Variants in ATRNL1 observed in about 807,000 individuals in gnomAD.
ATRNL1 encodes attractin like 1.
A neutral mutation model predicts 182.7 loss-of-function variants in ATRNL1; 95 were observed. That is an observed-to-expected ratio of 0.52 (90% CI 0.44 to 0.62). The LOEUF (loss-of-function observed/expected upper bound fraction) is 0.62. Among genes scored for constraint, ATRNL1 ranks in the 20% least tolerant of loss-of-function variants. The probability of loss-of-function intolerance (pLI) is 0.00; values close to 1 mark genes in which losing one functional copy is unlikely to be tolerated. For missense variants in ATRNL1, 1,471 were observed against 1,679.5 expected (o/e 0.88, Z 2.17); for synonymous variants, 576 against 568.3 (o/e 1.01, Z -0.19).
At chr10:115,262,107 T>C (rs1445545470) in intron 10 of ATRNL1, among the ~76,000 whole-genome samples, 1 of 151,400 alleles carries the variant, frequency 6.6e-6, no homozygotes, top group Admixed American at 6.6e-5. Flanking sequence ...TATAGCTGTT[T>C]ATTTAGAATT....
At chr10:115,387,554 T>G (rs1295967125) in intron 19 of ATRNL1, among the ~76,000 whole-genome samples, 2 of 152,204 alleles carry the variant, frequency 1.3e-5, no homozygotes, top group African/African-American at 4.8e-5. Flanking sequence ...CCTGTATCAA[T>G]TTCCAGCCAT....
chr10:115,479,656 G>GA lies in ATRNL1; in HGVS notation c.3654+10333dup, dbSNP rs561353926. Among the ~76,000 whole-genome samples, 75 of 151,376 alleles carry GA rather than the reference G, an allele frequency of 5.0e-4. No homozygotes were observed. In the South Asian group the frequency reaches 9.7e-3, roughly 20 times the overall value. ...TCCAATAATATAGTAATTAAACAGG[G>GA]AAAAAATCTTTTTGTTTTGAAATGC... On this transcript the variant is annotated intron_variant, in intron 24 of 28. Transcript: ENST00000355044.
intron 26 of ATRNL1, among the ~76,000 whole-genome samples, chr10:115,651,270 A>G (rs1859983432): frequency 6.6e-6 from 1 of 152,196 alleles, no homozygotes; most frequent in Non-Finnish European, 1.5e-5. Context: ...TACTATGCTC[A>G]CTACCTGGGT....
chr10:115,503,860 C>A (rs7905179), intron 24 of ATRNL1, among the ~76,000 whole-genome samples: 4,125 of 151,608 alleles, frequency 0.027, 217 homozygotes, highest in African/African-American at 0.096. Context: ...AATTATTTTT[C>A]TTTAAGCTTT....
chr10:115,463,250 C>CAA (rs141388830), intron 22 of ATRNL1, among the ~76,000 whole-genome samples: 1 of 150,946 alleles, frequency 6.6e-6, no homozygotes, highest in East Asian at 1.9e-4. Context: ...CCCCCATCAC[C>CAA]AAAAAAAAGA....
At chr10:115,187,141 A>G (rs1554888888) in intron 8 of ATRNL1, among the ~76,000 whole-genome samples, 1 of 152,000 alleles carries the variant, frequency 6.6e-6, no homozygotes, top group African/African-American at 2.4e-5. Flanking sequence ...GATGTGGAAA[A>G]GAGGGAGTAC....
At chr10:115,670,195 G>T (rs185548536) in intron 26 of ATRNL1, among the ~76,000 whole-genome samples, 1 of 151,986 alleles carries the variant, frequency 6.6e-6, no homozygotes, top group Non-Finnish European at 1.5e-5. Context: ...TATACATAGG[G>T]ATAGTCATAC....
chr10:115,095,417 A>G (rs1564730904), intron 1 of ATRNL1, among the ~76,000 whole-genome samples: 1 of 151,550 alleles, frequency 6.6e-6, no homozygotes, highest in Non-Finnish European at 1.5e-5. Flanking sequence ...AATGTCCCTT[A>G]AAACTCAATG....
rs1178246748 is a variant in ATRNL1 at position 115,373,727 on chromosome 10, A to AT, written c.3176-20924dup. ...AAATCTTACTTGATCTTGATGAATG[A>AT]TTTTTTTTCATTAAAGGATTATTGA... On this transcript the variant is annotated intron_variant, in intron 19 of 28. Coordinates refer to ENST00000355044, the MANE Select transcript of ATRNL1 (RefSeq NM_207303.4). Among the ~76,000 whole-genome samples the AT allele has an allele frequency of 2.0e-5, 3 of 151,392 alleles. No homozygotes were observed. The East Asian group carries it at 5.8e-4, about 29-fold the overall frequency.
chr10:115,368,888 A>G (rs1857228737), intron 19 of ATRNL1, among the ~76,000 whole-genome samples: 2 of 151,958 alleles, frequency 1.3e-5, no homozygotes, highest in South Asian at 2.1e-4. Context: ...TAATTTTTGT[A>G]TATTTAGTAG....
intron 28 of ATRNL1, among the ~76,000 whole-genome samples, chr10:115,854,000 G>A (rs138214603): frequency 3.9e-5 from 6 of 152,140 alleles, no homozygotes; most frequent in African/African-American, 9.7e-5. Flanking sequence ...TTCAAGAAAC[G>A]TGTAAAAGTG....
chr10:115,328,215 A>G (rs559522771), intron 18 of ATRNL1, among the ~76,000 whole-genome samples: 1 of 152,308 alleles, frequency 6.6e-6, no homozygotes, highest in Non-Finnish European at 1.5e-5. Flanking sequence ...TTGGTAATAC[A>G]GAAAAATCTT....
intron 25 of ATRNL1, among the ~76,000 whole-genome samples, chr10:115,537,900 C>G (rs1271450930): frequency 1.3e-5 from 2 of 152,170 alleles, no homozygotes; most frequent in African/African-American, 4.8e-5. Context: ...CTCCCCACCC[C>G]TACACGCTGG....
intron 27 of ATRNL1, among the ~76,000 whole-genome samples, chr10:115,829,895 T>C (rs962143400): frequency 6.6e-6 from 1 of 152,322 alleles, no homozygotes; most frequent in South Asian, 2.1e-4. Context: ...GGATTTTACA[T>C]GACTAATTTT....
chr10:115,403,989 A>G (rs181748435), intron 20 of ATRNL1, among the ~76,000 whole-genome samples: 5 of 152,308 alleles, frequency 3.3e-5, no homozygotes. Flanking sequence ...CATGTTACTC[A>G]TGTTAAGGTT....
Position 115,500,920 on chromosome 10 carries a change from C to CTTTTTTTTT in ATRNL1, c.3655-18326_3655-18318dup, listed in dbSNP as rs71010023. Among the ~76,000 whole-genome samples the CTTTTTTTTT allele has an allele frequency of 2.2e-4, 12 of 54,464 alleles. 1 individual carries two copies. The highest frequency in any genetic ancestry group is 2.6e-4 in the Non-Finnish European group (8 of 31,344). 35.7% of individuals were successfully genotyped at this position (54,464 alleles called of 152,430 possible). On this transcript the variant is annotated intron_variant, in intron 24 of 28. Coordinates refer to ENST00000355044, the MANE Select transcript of ATRNL1 (RefSeq NM_207303.4). ...TTCATAGCAGAAATTTCAGGTAAGA[C>CTTTTTTTTT]TTTTTTTTTTTTTTTTTTTTTTTTT...
At chr10:115,246,342 G>A (rs1160603859) in intron 10 of ATRNL1, among the ~76,000 whole-genome samples, 1 of 151,378 alleles carries the variant, frequency 6.6e-6, no homozygotes, top group Non-Finnish European at 1.5e-5. Context: ...GGTTTAACAG[G>A]AAAAAAAAGG....
At chr10:115,771,533 ATTCTTAC>A (rs1183148577) in intron 27 of ATRNL1, among the ~76,000 whole-genome samples, 2 of 152,266 alleles carry the variant, frequency 1.3e-5, no homozygotes, top group Admixed American at 6.5e-5. Context: ...CCCGGCCAGA[ATTCTTAC>A]TTCTTATCTG....
At chr10:115,660,166 G>C (rs892954552) in intron 26 of ATRNL1, among the ~76,000 whole-genome samples, 2 of 152,082 alleles carry the variant, frequency 1.3e-5, no homozygotes, top group Admixed American at 6.6e-5. Context: ...GGAAGAAGAA[G>C]AGTAATCAGA....
Sources: gnomAD v4.1 joint callset for allele counts (sites outside exome capture counted in the v4.1 genomes callset) on GRCh38, gnomAD v4.1.1 for gene constraint, MANE v1.5 for transcripts, NCBI Gene and HGNC (gene_info 2026-07-23, HGNC 2026-07-21) for gene names.